The following RNF24 variants were observed in gnomAD, a reference collection of about 807,000 sequenced individuals.
RNF24 encodes the protein ring finger protein 24.
In RNF24, 14 loss-of-function variants were observed where a neutral mutation model predicts 20.0. The observed-to-expected ratio is 0.70, with a 90% CI of 0.46 to 1.10. The LOEUF is 1.10. Ranked by LOEUF, RNF24 falls within the 50% of genes least tolerant of loss-of-function variation. RNF24 has a pLI of 0.00. For missense variants in RNF24, 124 were observed against 177.6 expected, an observed-to-expected ratio of 0.70 and a Z score of 1.71; for synonymous variants, 45 against 61.1, an observed-to-expected ratio of 0.74 and a Z score of 1.23.
rs372137060 is a variant in RNF24 at position 3,997,495 on chromosome 20, T to C, written c.-8+17942A>G. 5.9e-5 allele frequency among the ~76,000 whole-genome samples: 9 copies of C among 152,020 alleles called. No individual in the cohort carries two copies. The East Asian group carries it at 1.7e-3, about 29-fold the overall frequency. ...AGGTTGGAGTGCAATGGTGTGATCA[T>C]GGCTCACTGTCGCCTCAAACTCCCA... On this transcript the variant is annotated intron_variant, in intron 1 of 5. Coordinates refer to ENST00000358395, the MANE Select transcript of RNF24 (RefSeq NM_001134337.3).
At chr20:3,945,079 T>C in intron 4 of RNF24, 98 bp downstream of exon 4, 1 of 1,480,154 alleles carries the variant, frequency 6.8e-7, no homozygotes, top group Non-Finnish European at 9.1e-7. Flanking sequence ...AATAAGCCTA[T>C]TTTTTTCAAC....
At chr20:3,983,489 T>C (rs955743011) in intron 1 of RNF24, among the ~76,000 whole-genome samples, 4 of 152,140 alleles carry the variant, frequency 2.6e-5, no homozygotes, top group Non-Finnish European at 5.9e-5. Flanking sequence ...TGCAACTAAC[T>C]GCCATATAAA....
At chr20:3,966,786 T>C (rs2146995683) in intron 1 of RNF24, among the ~76,000 whole-genome samples, 1 of 152,310 alleles carries the variant, frequency 6.6e-6, no homozygotes, top group African/African-American at 2.4e-5. Flanking sequence ...TTGAAATTGG[T>C]ACAATTCTTG....
Position 3,939,577 on chromosome 20 carries a change from C to T in RNF24, c.229-4504G>A, listed in dbSNP as rs192202935. On this transcript the variant is annotated intron_variant, in intron 4 of 5. Transcript: ENST00000358395. ...TATATAGCTATCAATATACCTGTGT[C>T]ACATGTATTAAAAACTGTAGCTTTG... 1.4e-3 allele frequency among the ~76,000 whole-genome samples: 210 copies of T among 152,254 alleles called. 1 individual carries two copies. Among genetic ancestry groups the T allele is most frequent in the Non-Finnish European group, 2.0e-3 (134 of 68,028 alleles).
intron 1 of RNF24, among the ~76,000 whole-genome samples, chr20:3,991,960 A>T (rs1980482810): frequency 6.6e-6 from 1 of 150,930 alleles, no homozygotes; most frequent in Non-Finnish European, 1.5e-5. Context: ...ACACACACAC[A>T]CGGAATTTCC....
At chr20:3,985,032 G>C (rs1035631613) in intron 1 of RNF24, among the ~76,000 whole-genome samples, 1 of 149,344 alleles carries the variant, frequency 6.7e-6, no homozygotes, top group Non-Finnish European at 1.5e-5. Context: ...AAGGGCAGTT[G>C]GGCGGGGGAA....
rs6052208 is a variant in RNF24, at chr20:3,980,096, T to C, written c.-7-16072A>G. The stretch of plus-strand genomic sequence containing the variant: ...TTATGCAGAGATTTAAAAACATCCA[T>C]GAGATAATTTGAGTATTAATTTTAA... On this transcript the variant is annotated intron_variant, in intron 1 of 5. Transcript: ENST00000358395. 5.5e-3 allele frequency among the ~76,000 whole-genome samples: 842 copies of C among 152,262 alleles called. 6 individuals are homozygous for C. The highest frequency in any genetic ancestry group is 0.019 in the African/African-American group (778 of 41,534).
At chr20:3,970,139 C>T (rs113401278) in intron 1 of RNF24, among the ~76,000 whole-genome samples, 2,156 of 152,142 alleles carry the variant, frequency 0.014, 27 homozygotes, top group African/African-American at 0.028. Flanking sequence ...CGTGAAGAAT[C>T]GGGATTTTAC....
chr20:3,986,318 C>G (rs1979900407), intron 1 of RNF24, among the ~76,000 whole-genome samples: 1 of 152,124 alleles, frequency 6.6e-6, no homozygotes, highest in Admixed American at 6.5e-5. Flanking sequence ...GTAGTGCAAT[C>G]ATACCTCACT....
intron 2 of RNF24, among the ~76,000 whole-genome samples, chr20:3,953,526 G>A (rs572529503): frequency 1.4e-5 from 2 of 144,452 alleles, no homozygotes; most frequent in African/African-American, 5.2e-5. Flanking sequence ...ATGCAGTGGC[G>A]CAATCTCAGC....
chr20:3,976,976 G>A (rs6084537), intron 1 of RNF24, among the ~76,000 whole-genome samples: 15,118 of 152,186 alleles, frequency 0.099, 1,066 homozygotes, highest in South Asian at 0.23. Context: ...GTAGCTGCAT[G>A]TGAGTCTATA....
At chr20:3,948,332 G>T in intron 2 of RNF24, 53 bp from the exon 3 acceptor site, 1 of 1,275,906 alleles carries the variant, frequency 7.8e-7, no homozygotes, top group Non-Finnish European at 1.1e-6. Flanking sequence ...ATAGTAACTT[G>T]AAGAAAAATA....
At position 4,014,777 on chromosome 20, in the gene RNF24, AT is replaced by A. The variant is rs1426360140; in HGVS notation, c.-8+659del. Among the ~76,000 whole-genome samples the A allele has an allele frequency of 1.3e-4, 19 of 144,438 alleles. No individual in the cohort carries two copies. In the East Asian group the frequency reaches 3.6e-3, roughly 28 times the overall value. The allele number at this position is 144,438 out of a possible 152,430, so 94.8% of individuals were successfully genotyped here. On this transcript the variant is annotated intron_variant, in intron 1 of 5. Transcript: ENST00000358395. ...CACACACACACACACACACACACAC[AT>A]CATTAGGTCTCCAGAAACAAAGGAG...
intron 4 of RNF24, among the ~76,000 whole-genome samples, chr20:3,941,859 A>C (rs1320763627): frequency 5.3e-5 from 8 of 152,106 alleles, no homozygotes; most frequent in Admixed American, 6.6e-5. Context: ...AGATCACCTG[A>C]GGTGAGGAGT....
chr20:3,981,297 G>A (rs1979359596), intron 1 of RNF24, among the ~76,000 whole-genome samples: 1 of 151,686 alleles, frequency 6.6e-6, no homozygotes, highest in Non-Finnish European at 1.5e-5. Context: ...TCTATCTTTG[G>A]TTTCCCCACA....
intron 1 of RNF24, among the ~76,000 whole-genome samples, chr20:3,983,891 A>C (rs1979644780): frequency 7.0e-6 from 1 of 141,944 alleles, no homozygotes; most frequent in Non-Finnish European, 1.5e-5. Flanking sequence ...CAGTGAGCCG[A>C]GATCGCGCCA....
intron 2 of RNF24, among the ~76,000 whole-genome samples, chr20:3,952,798 T>C (rs968947883): frequency 6.6e-6 from 1 of 152,196 alleles, no homozygotes; most frequent in Admixed American, 6.5e-5. Context: ...CTTTATGATA[T>C]TATACTATTA....
chr20:3,954,898 CAAGA>C (rs1568626779), intron 2 of RNF24, among the ~76,000 whole-genome samples: 1 of 116,378 alleles, frequency 8.6e-6, no homozygotes. Context: ...GACTCCATCT[CAAGA>C]AAAAAAAAAA....
At chr20:3,974,122 CAT>C (rs1978645957) in intron 1 of RNF24, among the ~76,000 whole-genome samples, 1 of 148,844 alleles carries the variant, frequency 6.7e-6, no homozygotes, top group African/African-American at 2.5e-5. Context: ...AGAAAAATCA[CAT>C]GATCATATTA....
Sources: allele counts gnomAD v4.1 joint callset (sites outside exome capture counted in the v4.1 genomes callset), GRCh38; gene constraint gnomAD v4.1.1; transcripts MANE v1.5; gene names NCBI Gene and HGNC (gene_info 2026-07-23, HGNC 2026-07-21).